Variants in FSTL4 observed in about 807,000 individuals in gnomAD.
The protein encoded by FSTL4 is follistatin-related protein 4.
A neutral mutation model predicts 78.2 loss-of-function variants in FSTL4; 28 were observed. The observed-to-expected ratio is 0.36, with a 90% CI of 0.27 to 0.49. The LOEUF is 0.49. Ranked by LOEUF, FSTL4 falls within the 20% of genes least tolerant of loss-of-function variation. FSTL4 has a pLI of 0.98. For synonymous variants in FSTL4, 422 were observed against 440.5 expected, an observed-to-expected ratio of 0.96 and a Z score of 0.53; for missense variants, 922 against 1,084.9, an observed-to-expected ratio of 0.85 and a Z score of 2.11.
chr5:133,520,687 T>G (rs1758961817), intron 3 of FSTL4, among the ~76,000 whole-genome samples: 1 of 152,172 alleles, frequency 6.6e-6, no homozygotes, highest in African/African-American at 2.4e-5. Context: ...GCAGGGTTGC[T>G]TTTATGAAAA....
At chr5:133,556,998 T>C (rs1258111471) in intron 3 of FSTL4, among the ~76,000 whole-genome samples, 1 of 152,222 alleles carries the variant, frequency 6.6e-6, no homozygotes, top group Non-Finnish European at 1.5e-5. Flanking sequence ...GGATGTCATG[T>C]TTGGGGTAAA....
At chr5:133,464,594 A>G (rs1414037125) in intron 3 of FSTL4, among the ~76,000 whole-genome samples, 1 of 152,214 alleles carries the variant, frequency 6.6e-6, no homozygotes. Flanking sequence ...AGCTTCCAGC[A>G]CTGAGCTCAT....
intron 3 of FSTL4, among the ~76,000 whole-genome samples, chr5:133,451,322 A>G (rs1220891145): frequency 1.3e-5 from 2 of 152,038 alleles, no homozygotes; most frequent in African/African-American, 4.8e-5. Flanking sequence ...GCACTTTGGG[A>G]GGCAGAGGCG....
At chr5:133,327,229 C>T (rs6866834) in intron 4 of FSTL4, among the ~76,000 whole-genome samples, 13 of 152,290 alleles carry the variant, frequency 8.5e-5, no homozygotes, top group Non-Finnish European at 1.5e-4. Flanking sequence ...GGAAACGCAA[C>T]GGTATGGGAG....
At chr5:133,670,745 C>T in the FSTL4 span, among the ~76,000 whole-genome samples, 2 of 152,196 alleles carry the variant, frequency 1.3e-5, no homozygotes, top group African/African-American at 4.8e-5. Context: ...TTATAAGATC[C>T]TGAATGTTAA....
At chr5:133,629,689 A>G in the FSTL4 span, among the ~76,000 whole-genome samples, 2 of 152,372 alleles carry the variant, frequency 1.3e-5, no homozygotes, top group East Asian at 3.9e-4. Flanking sequence ...CAGAGACATA[A>G]CAAAAAAAGA....
intron 6 of FSTL4, among the ~76,000 whole-genome samples, chr5:133,296,941 G>C (rs1753409646): frequency 6.6e-6 from 1 of 152,202 alleles, no homozygotes; most frequent in Admixed American, 6.5e-5. Flanking sequence ...CTTGGGGGCT[G>C]GGGCTGGTGG....
chr5:133,276,342 G>C (rs1752883175), intron 6 of FSTL4, among the ~76,000 whole-genome samples: 1 of 152,218 alleles, frequency 6.6e-6, no homozygotes, highest in Non-Finnish European at 1.5e-5. Context: ...GCAGGTGGCT[G>C]TCTACAGGCT....
At chr5:133,296,185 T>C (rs1481097695) in intron 6 of FSTL4, among the ~76,000 whole-genome samples, 1 of 152,202 alleles carries the variant, frequency 6.6e-6, no homozygotes, top group Non-Finnish European at 1.5e-5. Flanking sequence ...CCTGGACTCC[T>C]TTCTTTTCTA....
intron 3 of FSTL4, among the ~76,000 whole-genome samples, chr5:133,488,357 C>T (rs372137174): frequency 3.9e-5 from 6 of 152,270 alleles, no homozygotes; most frequent in South Asian, 2.1e-4. Context: ...TGGGTTCAAG[C>T]GATTCTCATG....
chr5:133,260,491 GT>G (rs1340186135), intron 6 of FSTL4, among the ~76,000 whole-genome samples: 6 of 152,192 alleles, frequency 3.9e-5, no homozygotes, highest in Non-Finnish European at 8.8e-5. Context: ...CTGATGAGGG[GT>G]TCCTGTGCCA....
chr5:133,436,270 G>A (rs900671804), intron 3 of FSTL4, among the ~76,000 whole-genome samples: 1 of 152,170 alleles, frequency 6.6e-6, no homozygotes, highest in African/African-American at 2.4e-5. Flanking sequence ...ATTGGCTCAG[G>A]AAAGGCTTTC....
the FSTL4 span, among the ~76,000 whole-genome samples, chr5:133,837,034 C>T: frequency 6.6e-6 from 1 of 152,180 alleles, no homozygotes; most frequent in East Asian, 1.9e-4. Flanking sequence ...TCAAATATGG[C>T]TTCTACCCCT....
At chr5:133,258,826 G>A (rs963639927) in intron 6 of FSTL4, among the ~76,000 whole-genome samples, 7 of 152,152 alleles carry the variant, frequency 4.6e-5, no homozygotes, top group African/African-American at 7.2e-5. Context: ...ACCAGTTAAC[G>A]TATTTCCACT....
intron 3 of FSTL4, among the ~76,000 whole-genome samples, chr5:133,559,817 A>T (rs190451288): frequency 6.6e-6 from 1 of 152,290 alleles, no homozygotes; most frequent in Non-Finnish European, 1.5e-5. Flanking sequence ...AGGGCAGAGG[A>T]GCTCTCTGAG....
the FSTL4 span, among the ~76,000 whole-genome samples, chr5:133,795,251 GC>G: frequency 2.6e-5 from 4 of 152,222 alleles, no homozygotes; most frequent in Non-Finnish European, 4.4e-5. Flanking sequence ...CAATCCGTCT[GC>G]AAACTCAGGC....
At chr5:133,600,318 A>G (rs1760836963) in intron 2 of FSTL4, among the ~76,000 whole-genome samples, 1 of 152,010 alleles carries the variant, frequency 6.6e-6, no homozygotes, top group African/African-American at 2.4e-5. Flanking sequence ...GTTTGGTAGG[A>G]TAGGTGTATG....
upstream of FSTL4, among the ~76,000 whole-genome samples, chr5:133,616,310 A>AATCTATCTATAT (rs1554073703): frequency 1.4e-5 from 2 of 147,162 alleles, no homozygotes; most frequent in African/African-American, 5.1e-5. Context: ...TGAAAATCTA[A>AATCTATCTATAT]ATCTATCTAT....
chr5:133,261,283 G>T (rs1351535824), intron 6 of FSTL4, among the ~76,000 whole-genome samples: 1 of 152,114 alleles, frequency 6.6e-6, no homozygotes, highest in Non-Finnish European at 1.5e-5. Flanking sequence ...CTTGATGCCC[G>T]TCGGGGTTAC....
Sources: allele counts gnomAD v4.1 joint callset (sites outside exome capture counted in the v4.1 genomes callset), GRCh38; gene constraint gnomAD v4.1.1; transcripts MANE v1.5; gene names NCBI Gene and HGNC (gene_info 2026-07-23, HGNC 2026-07-21).